The following ZDHHC14 variants were observed in gnomAD, a reference collection of about 807,000 sequenced individuals.
The protein encoded by ZDHHC14 is zDHHC palmitoyltransferase 14, also known as palmitoyltransferase ZDHHC14.
A neutral mutation model predicts 47.7 loss-of-function variants in ZDHHC14; 16 were observed. The observed-to-expected ratio is 0.34, with a 90% CI of 0.23 to 0.51. The LOEUF is 0.51. ZDHHC14 is among the 20% of genes least tolerant of loss of function. The probability of loss-of-function intolerance (pLI) is 0.97; values close to 1 mark genes in which losing one functional copy is unlikely to be tolerated. For missense variants in ZDHHC14, 515 were observed against 662.5 expected (o/e 0.78, Z 2.44); for synonymous variants, 293 against 278.9 (o/e 1.05, Z -0.50).
intron 3 of ZDHHC14, among the ~76,000 whole-genome samples, chr6:157,608,148 C>A (rs551395704): frequency 6.6e-6 from 1 of 152,206 alleles, no homozygotes; most frequent in Non-Finnish European, 1.5e-5. Context: ...CAGGAAGTCA[C>A]GCTGTGCGTG....
At chr6:157,450,836 C>G (rs990728271) in intron 1 of ZDHHC14, among the ~76,000 whole-genome samples, 5 of 152,206 alleles carry the variant, frequency 3.3e-5, no homozygotes, top group African/African-American at 1.2e-4. Context: ...AATTCTTCAG[C>G]CATATTTCCT....
chr6:157,560,816 C>T (rs540129173), intron 2 of ZDHHC14, among the ~76,000 whole-genome samples: 20 of 152,324 alleles, frequency 1.3e-4, no homozygotes, highest in African/African-American at 3.6e-4. Flanking sequence ...TGGGATCCCA[C>T]GGCCTTGCCT....
intron 2 of ZDHHC14, among the ~76,000 whole-genome samples, chr6:157,543,348 GTTT>G (rs5881216): frequency 6.7e-6 from 1 of 150,144 alleles, no homozygotes; most frequent in African/African-American, 2.4e-5. Flanking sequence ...AACTTTTACA[GTTT>G]TTTTTTTTTA....
chr6:157,452,046 C>T (rs1778815815), intron 1 of ZDHHC14, among the ~76,000 whole-genome samples: 1 of 152,122 alleles, frequency 6.6e-6, no homozygotes, highest in Admixed American at 6.5e-5. Flanking sequence ...TGGGTTGGCC[C>T]TGTAGGGGTT....
intron 1 of ZDHHC14, among the ~76,000 whole-genome samples, chr6:157,508,314 C>T (rs1050450462): frequency 1.2e-4 from 18 of 152,014 alleles, no homozygotes; most frequent in African/African-American, 4.1e-4. Flanking sequence ...TTTGTCTGTT[C>T]TCTCTATCTG....
chr6:157,546,126 G>C (rs1781963621), intron 2 of ZDHHC14, among the ~76,000 whole-genome samples: 1 of 152,224 alleles, frequency 6.6e-6, no homozygotes, highest in South Asian at 2.1e-4. Flanking sequence ...CAGCTTAGCT[G>C]TACCTCCTCC....
At chr6:157,516,316 T>C (rs1006413467) in intron 1 of ZDHHC14, among the ~76,000 whole-genome samples, 4 of 152,236 alleles carry the variant, frequency 2.6e-5, no homozygotes, top group African/African-American at 9.6e-5. Context: ...GTATATAGCA[T>C]TGTGATAAAT....
intron 1 of ZDHHC14, among the ~76,000 whole-genome samples, chr6:157,467,202 G>T (rs886551522): frequency 7.9e-5 from 12 of 152,168 alleles, no homozygotes; most frequent in African/African-American, 2.9e-4. Flanking sequence ...CCCTTTTAAG[G>T]TACACAATTC....
intron 3 of ZDHHC14, among the ~76,000 whole-genome samples, chr6:157,603,618 C>T (rs9505880): frequency 0.016 from 2,502 of 152,246 alleles, 66 homozygotes; most frequent in African/African-American, 0.056. Flanking sequence ...TTACAAGCAC[C>T]CTCAAAAACC....
intron 1 of ZDHHC14, among the ~76,000 whole-genome samples, chr6:157,541,529 A>G (rs9456449): frequency 0.4 from 60,312 of 152,026 alleles, 12,122 homozygotes; most frequent in Admixed American, 0.45. Context: ...TTGAGAACAT[A>G]GAAGAGAATC....
intron 2 of ZDHHC14, among the ~76,000 whole-genome samples, chr6:157,551,613 G>C (rs1582926805): frequency 6.6e-6 from 1 of 152,304 alleles, no homozygotes; most frequent in Non-Finnish European, 1.5e-5. Flanking sequence ...AAGACCACAG[G>C]TGAGTCACCT....
intron 1 of ZDHHC14, among the ~76,000 whole-genome samples, chr6:157,452,599 T>C (rs570125512): frequency 3.3e-5 from 5 of 152,012 alleles, no homozygotes; most frequent in Admixed American, 2.6e-4. Flanking sequence ...TAATTTTCTA[T>C]ACTGCCAAGG....
At chr6:157,482,803 C>A (rs919751894) in intron 1 of ZDHHC14, among the ~76,000 whole-genome samples, 2 of 150,736 alleles carry the variant, frequency 1.3e-5, no homozygotes, top group African/African-American at 4.9e-5. Flanking sequence ...AGTACAATGG[C>A]ATGAACTCAG....
intron 2 of ZDHHC14, among the ~76,000 whole-genome samples, chr6:157,573,527 C>T (rs1783179693): frequency 6.6e-6 from 1 of 152,188 alleles, no homozygotes; most frequent in South Asian, 2.1e-4. Context: ...CCTTCTAGAT[C>T]CCCATCCCTG....
chr6:157,596,217 A>G (rs1784122322), intron 3 of ZDHHC14, among the ~76,000 whole-genome samples: 1 of 152,218 alleles, frequency 6.6e-6, no homozygotes, highest in African/African-American at 2.4e-5. Context: ...ATAGAGTGGA[A>G]GGCAAATGTC....
At chr6:157,475,421 G>A (rs1050803211) in intron 1 of ZDHHC14, among the ~76,000 whole-genome samples, 2 of 151,776 alleles carry the variant, frequency 1.3e-5, no homozygotes, top group African/African-American at 4.8e-5. Context: ...ATTTTGATAG[G>A]GATTGCGTTG....
intron 1 of ZDHHC14, among the ~76,000 whole-genome samples, chr6:157,383,803 G>A (rs894373504): frequency 1.8e-4 from 28 of 152,192 alleles, no homozygotes; most frequent in African/African-American, 6.8e-4. Flanking sequence ...GTGGACGGGA[G>A]GGGAAGGGTG....
chr6:157,412,468 T>C (rs1777889597), intron 1 of ZDHHC14, among the ~76,000 whole-genome samples: 1 of 152,018 alleles, frequency 6.6e-6, no homozygotes, highest in Non-Finnish European at 1.5e-5. Context: ...AATTTTTATA[T>C]TTTTAATAGA....
Position 157,655,551 on chromosome 6 carries a change from C to T in ZDHHC14, c.1068+1924C>T, listed in dbSNP as rs145167852. On this transcript the variant is annotated intron_variant, in intron 8 of 8. Transcript: ENST00000359775. ...ACAGAGCTCACCAGAATTCTGGCCGCAGCATACGTTGATCGTTTCTCTGAT... is the reference window on the plus strand; with the variant it reads ...ACAGAGCTCACCAGAATTCTGGCCGTAGCATACGTTGATCGTTTCTCTGAT... Among the ~76,000 whole-genome samples the T allele has an allele frequency of 3.2e-3, 486 of 152,348 alleles. 2 individuals carry two copies. Among genetic ancestry groups the T allele is most frequent in the African/African-American group, 0.011 (444 of 41,586 alleles).
Sources: gnomAD v4.1 joint callset for allele counts (sites outside exome capture counted in the v4.1 genomes callset) on GRCh38, gnomAD v4.1.1 for gene constraint, MANE v1.5 for transcripts, NCBI Gene and HGNC (gene_info 2026-07-23, HGNC 2026-07-21) for gene names.